SMG1: variants seen among roughly 807,000 people sequenced by gnomAD.
SMG1 encodes the protein SMG1 nonsense mediated mRNA decay associated PI3K related kinase, also known as serine/threonine-protein kinase SMG1.
In SMG1, 22 loss-of-function variants were observed where a neutral mutation model predicts 419.9. The observed-to-expected ratio is 0.05, with a 90% CI of 0.04 to 0.07. The LOEUF is 0.07. Among genes scored for constraint, SMG1 ranks in the 10% least tolerant of loss-of-function variants. SMG1 has a pLI of 1.00. For missense variants in SMG1, 3,185 were observed against 4,342.0 expected, an observed-to-expected ratio of 0.73 and a Z score of 7.49; for synonymous variants, 1,538 against 1,553.5, an observed-to-expected ratio of 0.99 and a Z score of 0.23.
In SMG1 at chr16:18,830,099, A is replaced by C; in HGVS notation, c.8960T>G (p.Ile2987Ser). 1 of 1,602,938 alleles carries C rather than the reference A, an allele frequency of 6.2e-7. No homozygotes were observed. The highest frequency in any genetic ancestry group is 1.1e-5 in the South Asian group (1 of 89,212). Residue 2987 changes from isoleucine to serine, a missense_variant, in exon 53 of 63, where the codon ATT (isoleucine) becomes AGT (serine). Transcript: ENST00000446231. ...GTCAATCTTTCGCCAAGCTATGGGA[A>C]TTTCCATCTTGTTCAACTATGTAAA... Reference protein sequence around the residue: ...LLVEKLNKMEIPIAWRKIDII... With the variant: ...LLVEKLNKMESPIAWRKIDII...
chr16:18,888,953 G>C (rs1287003335), intron 6 of SMG1, among the ~76,000 whole-genome samples: 3 of 150,524 alleles, frequency 2.0e-5, no homozygotes, highest in Non-Finnish European at 4.4e-5. Context: ...CTCCCAATTA[G>C]CTGAGACTAC....
chr16:18,867,697 CTTCTTT>C (rs1249643782), intron 22 of SMG1, among the ~76,000 whole-genome samples: 357 of 125,424 alleles, frequency 2.8e-3, no homozygotes, highest in African/African-American at 1.0e-2. Context: ...ATTATTTTAA[CTTCTTT>C]TTTTTTTTTT....
At chr16:18,854,554 G>A in intron 30 of SMG1, 102 bp downstream of exon 30, 1 of 1,102,712 alleles carries the variant, frequency 9.1e-7, no homozygotes, top group Non-Finnish European at 1.3e-6. Flanking sequence ...AGCTGGAAAT[G>A]ATCAACTTTG....
chr16:18,812,738 G>T (rs1167203077), intron 60 of SMG1, among the ~76,000 whole-genome samples: 1 of 151,978 alleles, frequency 6.6e-6, no homozygotes, highest in African/African-American at 2.4e-5. Flanking sequence ...TGTTGCATAT[G>T]TATACATGTG....
intron 6 of SMG1, among the ~76,000 whole-genome samples, chr16:18,888,478 CTTTTT>C (rs142087294): frequency 2.9e-5 from 4 of 140,174 alleles, no homozygotes; most frequent in South Asian, 2.2e-4. Flanking sequence ...GAAAAAAATC[CTTTTT>C]TTTTTTTTTT....
intron 39 of SMG1, among the ~76,000 whole-genome samples, chr16:18,844,947 C>T (rs1320137756): frequency 6.6e-6 from 1 of 152,170 alleles, no homozygotes; most frequent in Non-Finnish European, 1.5e-5. Flanking sequence ...TATGTGAATA[C>T]ACTAATCATC....
chr16:18,858,764 TTACA>T (rs2035053808), intron 28 of SMG1: 1 of 368,912 alleles, frequency 2.7e-6, no homozygotes, highest in African/African-American at 2.1e-5. Flanking sequence ...GGAACTGTCT[TTACA>T]TACACCACCT....
At position 18,808,482 on chromosome 16, in the gene SMG1, A is replaced by T. The variant is rs980528067; in HGVS notation, c.*1087T>A. ...TTGTTAATCTATCATCAACAATGTA[A>T]AACTCTAATAGATACTCTATCTTGG... On this transcript the variant is annotated 3_prime_UTR_variant, in exon 63 of 63. Coordinates refer to ENST00000446231, the MANE Select transcript of SMG1 (RefSeq NM_015092.5). 6.6e-6 allele frequency: 1 copy of T among 152,322 alleles called. No individual in the cohort carries two copies. The highest frequency in any genetic ancestry group is 6.5e-5 in the Admixed American group (1 of 15,298). 9.4% of individuals were successfully genotyped at this position (152,322 alleles called of 1,614,324 possible). A position where few individuals can be genotyped will look rare whatever the true frequency, so the allele number is the denominator to read the frequency against.
At chr16:18,812,313 T>C (rs2031490610) in intron 60 of SMG1, 186 bp from the exon 61 acceptor site, 1 of 560,980 alleles carries the variant, frequency 1.8e-6, no homozygotes, top group Non-Finnish European at 3.0e-6. Flanking sequence ...GACATTCAGG[T>C]ATGAATTTGT....
chr16:18,913,644 ATTAAGT>A (rs1279713729), intron 1 of SMG1, among the ~76,000 whole-genome samples: 2 of 152,220 alleles, frequency 1.3e-5, no homozygotes, highest in South Asian at 2.1e-4. Context: ...TCTAGTAAAT[ATTAAGT>A]TTAACAACTT....
Position 18,863,788 on chromosome 16 carries a change from A to G in SMG1, c.3557T>C (p.Leu1186Ser). The change falls in exon 25 of 63, where the codon TTA becomes TCA. Residue 1186 changes from leucine to serine, a missense_variant. Leu to Ser is a moderately radical substitution (Grantham distance 145). Around this residue, in one of 27 missense-constraint regions of SMG1, gnomAD observed 121 missense variants for 125.4 expected, o/e 0.96. Coordinates refer to ENST00000446231, the MANE Select transcript of SMG1 (RefSeq NM_015092.5). ...TDSSPEVINY[L>S]GNKACECYIS... ...GTAGCACTCACATGCTTTATTTCCT[A>G]AATAATTTATAACCTCAGGGGAAGA... The G allele has an allele frequency of 6.3e-7, 1 of 1,586,462 alleles. No individual in the cohort carries two copies.
rs1025524934 is a variant in SMG1, at chr16:18,841,695, T to A, written c.6566A>T (p.His2189Leu). Residue 2189 changes from histidine to leucine, a missense_variant, in exon 41 of 63, where the codon CAT becomes CTT. His to Leu is a moderately conservative substitution (Grantham distance 99, BLOSUM62 -3). Transcript: ENST00000446231. ...TGGTGTTACAGAATAGTGTCGAGCA[T>A]GGAACCGGGGTGTTTCTTGGCGATT... Reference protein sequence around the residue: ...TINRQETPRFHARHYSVTPLG... With the variant: ...TINRQETPRFLARHYSVTPLG... 1 of 1,614,006 alleles carries A rather than the reference T, an allele frequency of 6.2e-7. No homozygotes were observed. The highest frequency in any genetic ancestry group is 1.7e-5 in the Admixed American group (1 of 60,022).
chr16:18,806,246 T>C lies in SMG1; in HGVS notation c.*3323A>G, dbSNP rs1270682238. On this transcript the variant is annotated 3_prime_UTR_variant, in exon 63 of 63. Transcript: ENST00000446231. ...GCAGATAACACCAAACATTGGACAA[T>C]ATTAAGAAAACTACTTACTAAGCTT... 6.6e-6 allele frequency: 1 copy of C among 152,424 alleles called. No individual in the cohort carries two copies. Among genetic ancestry groups the C allele is most frequent in the African/African-American group, 2.4e-5 (1 of 41,356 alleles). 9.4% of individuals were successfully genotyped at this position (152,424 alleles called of 1,614,324 possible). A position where few individuals can be genotyped will look rare whatever the true frequency, so the allele number is the denominator to read the frequency against.
intron 1 of SMG1, among the ~76,000 whole-genome samples, chr16:18,904,159 G>A (rs12924984): frequency 2.7e-5 from 4 of 149,886 alleles, no homozygotes; most frequent in African/African-American, 4.9e-5. Context: ...GGATGGTCTC[G>A]ATCTCCTGAT....
chr16:18,915,174 C>T (rs2037924260), intron 1 of SMG1, among the ~76,000 whole-genome samples: 1 of 152,040 alleles, frequency 6.6e-6, no homozygotes, highest in Non-Finnish European at 1.5e-5. Flanking sequence ...GGGGTTTCAC[C>T]ATGTTGGCCA....
chr16:18,861,809 A>C (rs2035233714), intron 25 of SMG1, among the ~76,000 whole-genome samples: 1 of 152,188 alleles, frequency 6.6e-6, no homozygotes, highest in East Asian at 1.9e-4. Context: ...AAACAAAAAA[A>C]GTAGGCTTTA....
chr16:18,840,002 A>C (rs1330527917), intron 41 of SMG1, 56 bp from the exon 42 acceptor site: 1 of 1,381,624 alleles, frequency 7.2e-7, no homozygotes, highest in Non-Finnish European at 9.8e-7. Flanking sequence ...ATAAGGAAAA[A>C]GAGTGCCTTT....
At chr16:18,874,828 T>C (rs1245075224) in intron 13 of SMG1, among the ~76,000 whole-genome samples, 3 of 112,982 alleles carry the variant, frequency 2.7e-5, no homozygotes, top group African/African-American at 1.0e-4. Flanking sequence ...ATTGCACCAC[T>C]GCACTCCAGC....
intron 29 of SMG1, 189 bp downstream of exon 29, chr16:18,857,981 T>G (rs1172550732): frequency 2.6e-6 from 1 of 384,038 alleles, no homozygotes; most frequent in Non-Finnish European, 4.8e-6. Flanking sequence ...AATGAGGAGA[T>G]GATCCCAAGG....
Sources: allele counts gnomAD v4.1 joint callset (sites outside exome capture counted in the v4.1 genomes callset), GRCh38; gene constraint gnomAD v4.1.1; regional missense constraint gnomAD v4.1.1; transcripts MANE v1.5; gene names NCBI Gene and HGNC (gene_info 2026-07-23, HGNC 2026-07-21).